FHIT: variants seen among roughly 807,000 people sequenced by gnomAD.
FHIT encodes the protein bis(5'-adenosyl)-triphosphatase.
In FHIT, 19 loss-of-function variants were observed where a neutral mutation model predicts 17.9. The observed-to-expected ratio is 1.06, with a 90% CI of 0.74 to 1.56. FHIT has a LOEUF of 1.56. FHIT is among the 40% of genes most tolerant of loss of function. The pLI is 0.00. For synonymous variants in FHIT, 81 were observed against 69.7 expected, an observed-to-expected ratio of 1.16 and a Z score of -0.81; for missense variants, 248 against 189.2, an observed-to-expected ratio of 1.31 and a Z score of -1.82.
chr3:60,998,667 G>A lies in FHIT; in HGVS notation c.-111+43380C>T, dbSNP rs181269369. Among the ~76,000 whole-genome samples, 601 of 152,052 alleles carry A rather than the reference G, an allele frequency of 4.0e-3. 4 individuals are homozygous for A. Among genetic ancestry groups the A allele is most frequent in the Middle Eastern group, 6.8e-3 (2 of 294 alleles). ...AAGCTTGATTTAAACATGAATTAAAGGTTTATCATTTACCTTTAGGAACAA... is the reference window on the plus strand; with the variant it reads ...AAGCTTGATTTAAACATGAATTAAAAGTTTATCATTTACCTTTAGGAACAA... On this transcript the variant is annotated intron_variant, in intron 3 of 9. Coordinates refer to ENST00000492590, the MANE Select transcript of FHIT (RefSeq NM_002012.4).
intron 3 of FHIT, among the ~76,000 whole-genome samples, chr3:61,016,405 G>C (rs775250700): frequency 5.3e-5 from 8 of 152,186 alleles, no homozygotes; most frequent in Admixed American, 3.9e-4. Context: ...CAAAGAAACA[G>C]AGCAAGACAA....
In FHIT at chr3:60,235,208, T is replaced by C. The variant is rs531999796; in HGVS notation, c.104-221056A>G. Among the ~76,000 whole-genome samples the C allele has an allele frequency of 3.3e-5, 5 of 151,202 alleles. No homozygotes were observed. In the East Asian group the frequency reaches 5.8e-4, roughly 18 times the overall value. On this transcript the variant is annotated intron_variant, in intron 5 of 9. Coordinates refer to ENST00000492590, the MANE Select transcript of FHIT (RefSeq NM_002012.4). ...CTCTGTTAAGTAGATTCTATGTATT[T>C]TTAAATATCTATGCTTTTGTTTGTT...
chr3:60,812,196 CAG>C (rs1241068209), intron 4 of FHIT, among the ~76,000 whole-genome samples: 2 of 141,540 alleles, frequency 1.4e-5, no homozygotes, highest in Non-Finnish European at 3.0e-5. Flanking sequence ...TTTTTTGAGA[CAG>C]AGTCTGGCTG....
intron 8 of FHIT, among the ~76,000 whole-genome samples, chr3:59,908,850 T>TTTTTTTTTTTTTG (rs1553712872): frequency 6.7e-6 from 1 of 150,090 alleles, no homozygotes; most frequent in African/African-American, 2.4e-5. Context: ...TTTCATTTTT[T>TTTTTTTTTTTTTG]AATAGTCCAA....
chr3:60,103,649 G>A (rs778685568), intron 5 of FHIT, among the ~76,000 whole-genome samples: 6 of 152,132 alleles, frequency 3.9e-5, no homozygotes, highest in Non-Finnish European at 7.4e-5. Flanking sequence ...TCTTACCCTT[G>A]TACGGAGAAG....
At chr3:60,145,208 T>C (rs778450204) in intron 5 of FHIT, among the ~76,000 whole-genome samples, 21 of 152,174 alleles carry the variant, frequency 1.4e-4, no homozygotes, top group Non-Finnish European at 2.4e-4. Flanking sequence ...CAGACCTCGG[T>C]GTTATTGGAA....
chr3:60,308,604 A>G (rs1708796567), intron 5 of FHIT, among the ~76,000 whole-genome samples: 1 of 151,724 alleles, frequency 6.6e-6, no homozygotes, highest in Non-Finnish European at 1.5e-5. Context: ...GCTGAACAAA[A>G]TCTTGATGTG....
rs911044254 is a variant in FHIT at position 60,977,818 on chromosome 3, C to T, written c.-111+64229G>A. Reference sequence around the variant, plus strand: ...CCCAGGAGGTAGAGGTTGCAGTGAGCCGAGATCTCGCCATTGCACTCCAGC... The same window carrying T: ...CCCAGGAGGTAGAGGTTGCAGTGAGTCGAGATCTCGCCATTGCACTCCAGC... On this transcript the variant is annotated intron_variant, in intron 3 of 9. Transcript: ENST00000492590. Among the ~76,000 whole-genome samples, 15 of 152,192 alleles carry T rather than the reference C, an allele frequency of 9.9e-5. No homozygotes were observed. The East Asian group carries it at 2.5e-3, about 26-fold the overall frequency.
chr3:60,712,555 A>G (rs2041566319), intron 4 of FHIT, among the ~76,000 whole-genome samples: 1 of 152,024 alleles, frequency 6.6e-6, no homozygotes, highest in Admixed American at 6.5e-5. Context: ...AGACACACAT[A>G]GGCTCAAAAT....
At chr3:60,632,482 G>C (rs181069783) in intron 4 of FHIT, among the ~76,000 whole-genome samples, 2 of 152,132 alleles carry the variant, frequency 1.3e-5, no homozygotes, top group Non-Finnish European at 2.9e-5. Flanking sequence ...AGGAGAGCGC[G>C]TCTTCTCCAA....
chr3:60,531,403 C>A (rs936844277), intron 5 of FHIT, among the ~76,000 whole-genome samples: 11 of 151,240 alleles, frequency 7.3e-5, no homozygotes, highest in African/African-American at 2.7e-4. Context: ...CTCAGCCTCC[C>A]GAGTAGCTGG....
intron 5 of FHIT, among the ~76,000 whole-genome samples, chr3:60,340,540 A>C (rs146668353): frequency 6.6e-6 from 1 of 152,218 alleles, no homozygotes; most frequent in Non-Finnish European, 1.5e-5. Context: ...ACAAGTAACT[A>C]TATGGTTAGA....
intron 8 of FHIT, among the ~76,000 whole-genome samples, chr3:59,764,014 C>A (rs1287342068): frequency 6.6e-6 from 1 of 152,142 alleles, no homozygotes; most frequent in Non-Finnish European, 1.5e-5. Context: ...TGTAATAAAT[C>A]CAAACTCAGT....
intron 2 of FHIT, among the ~76,000 whole-genome samples, chr3:61,128,809 G>A (rs1291917716): frequency 6.6e-6 from 1 of 151,898 alleles, no homozygotes. Context: ...GTTCATTCTG[G>A]AAGATTCAAG....
chr3:60,378,873 G>A (rs7631068), intron 5 of FHIT, among the ~76,000 whole-genome samples: 1 of 152,010 alleles, frequency 6.6e-6, no homozygotes, highest in Non-Finnish European at 1.5e-5. Context: ...ATAAAGTAAG[G>A]TGAAAAAAGA....
intron 3 of FHIT, among the ~76,000 whole-genome samples, chr3:60,861,204 T>TC (rs371050207): frequency 0.32 from 251 of 774 alleles, 58 homozygotes; most frequent in Admixed American, 0.46. Context: ...TCATATATGA[T>TC]ATATATGATA....
chr3:60,626,785 C>CTTTTTTTTT (rs60098225), intron 4 of FHIT, among the ~76,000 whole-genome samples: 6 of 133,974 alleles, frequency 4.5e-5, no homozygotes, highest in Admixed American at 7.5e-5. Flanking sequence ...GGAAAACACT[C>CTTTTTTTTT]TTTTTTTTTT....
chr3:60,444,267 A>G (rs1429636519), intron 5 of FHIT, among the ~76,000 whole-genome samples: 5 of 152,190 alleles, frequency 3.3e-5, no homozygotes, highest in African/African-American at 9.7e-5. Context: ...TACTTCAACC[A>G]CTGTGGAAGT....
intron 3 of FHIT, among the ~76,000 whole-genome samples, chr3:60,857,553 C>A (rs988010565): frequency 4.7e-4 from 71 of 151,988 alleles, no homozygotes; most frequent in African/African-American, 1.7e-3. Context: ...GCTTTCATCC[C>A]AGTGCTTGCC....
Sources: gnomAD v4.1 joint callset for allele counts (sites outside exome capture counted in the v4.1 genomes callset) on GRCh38, gnomAD v4.1.1 for gene constraint, MANE v1.5 for transcripts, NCBI Gene and HGNC (gene_info 2026-07-23, HGNC 2026-07-21) for gene names.